The following JPH1 variants were observed in gnomAD, a reference collection of about 807,000 sequenced individuals.
JPH1 encodes junctophilin 1, also known as junctophilin-1.
In JPH1, 12 loss-of-function variants were observed where a neutral mutation model predicts 53.6. The ratio of observed to expected loss-of-function variants is 0.22; its 90% CI spans 0.14 to 0.36. The LOEUF (loss-of-function observed/expected upper bound fraction) is 0.36. Among genes scored for constraint, JPH1 ranks in the 10% least tolerant of loss-of-function variants. The pLI, the probability that JPH1 is intolerant of heterozygous loss-of-function variation, is 1.00. For synonymous variants in JPH1, 375 were observed against 363.8 expected, an observed-to-expected ratio of 1.03 and a Z score of -0.35; for missense variants, 808 against 905.5, an observed-to-expected ratio of 0.89 and a Z score of 1.38.
chr8:74,319,055 T>G (rs1808240597), intron 1 of JPH1, among the ~76,000 whole-genome samples: 1 of 151,300 alleles, frequency 6.6e-6, no homozygotes, highest in Admixed American at 6.6e-5. Context: ...AAGTTTTAAG[T>G]TTTTTTTTAA....
At chr8:74,300,737 T>C (rs1807656920) in intron 2 of JPH1, among the ~76,000 whole-genome samples, 1 of 152,178 alleles carries the variant, frequency 6.6e-6, no homozygotes, top group Admixed American at 6.5e-5. Flanking sequence ...ATTGGTATTG[T>C]TATGTGAAGT....
chr8:74,316,995 G>C (rs191150180), intron 1 of JPH1, among the ~76,000 whole-genome samples: 1 of 152,258 alleles, frequency 6.6e-6, no homozygotes, highest in Admixed American at 6.5e-5. Flanking sequence ...ATAATGATTA[G>C]TCTGTCTTGA....
At chr8:74,245,611 C>T (rs1332471108) in intron 3 of JPH1, among the ~76,000 whole-genome samples, 1 of 152,158 alleles carries the variant, frequency 6.6e-6, no homozygotes, top group Non-Finnish European at 1.5e-5. Flanking sequence ...TTTTAATGAT[C>T]TGTCATCAAA....
chr8:74,298,783 G>A (rs1474778054), intron 2 of JPH1, among the ~76,000 whole-genome samples: 1 of 152,166 alleles, frequency 6.6e-6, no homozygotes, highest in Non-Finnish European at 1.5e-5. Context: ...TCAGAAATAT[G>A]AGTAGTCATA....
rs372918997 is a variant in JPH1 at position 74,245,074 on chromosome 8, G to A, written c.1360C>T (p.His454Tyr). The A allele has an allele frequency of 1.9e-6, 3 of 1,613,658 alleles. No individual in the cohort carries two copies. Among genetic ancestry groups the A allele is most frequent in the African/African-American group, 1.3e-5 (1 of 74,722 alleles). Reference sequence around the variant, plus strand: ...GGTGTCGTGCCTTTGCGATAAAAATGAGGAGACTCCTTTGGTGTAGGTGGC... The same window carrying A: ...GGTGTCGTGCCTTTGCGATAAAAATAAGGAGACTCCTTTGGTGTAGGTGGC... ...EKPPTPKESP[H>Y]FYRKGTTPPR... is the part of the protein sequence containing the mutation. The change falls in exon 4 of 6, where the codon CAT (histidine) becomes TAT (tyrosine). Residue 454 changes from histidine to tyrosine, a missense_variant. Coordinates refer to ENST00000342232, the MANE Select transcript of JPH1 (RefSeq NM_020647.4).
intron 2 of JPH1, among the ~76,000 whole-genome samples, chr8:74,264,225 T>C (rs1185210879): frequency 1.3e-5 from 2 of 152,240 alleles, no homozygotes; most frequent in Non-Finnish European, 2.9e-5. Context: ...AGCTCCATTC[T>C]CAGTAAACTT....
chr8:74,306,629 C>T (rs1037187313), intron 2 of JPH1, among the ~76,000 whole-genome samples: 2 of 150,174 alleles, frequency 1.3e-5, no homozygotes, highest in South Asian at 2.1e-4. Context: ...TTGGAGACCT[C>T]GCTCTGTCGC....
chr8:74,318,677 G>A (rs878908659), intron 1 of JPH1, among the ~76,000 whole-genome samples: 10 of 152,096 alleles, frequency 6.6e-5, no homozygotes, highest in African/African-American at 2.2e-4. Flanking sequence ...AAAAAAACTC[G>A]GAATCAGATT....
At chr8:74,292,025 G>T (rs867391300) in intron 2 of JPH1, among the ~76,000 whole-genome samples, 1 of 152,146 alleles carries the variant, frequency 6.6e-6, no homozygotes, top group Non-Finnish European at 1.5e-5. Flanking sequence ...AGGGCCTGTC[G>T]TGGGGTGGGG....
At chr8:74,241,607 TG>T (rs1399176725) in intron 4 of JPH1, among the ~76,000 whole-genome samples, 9 of 152,362 alleles carry the variant, frequency 5.9e-5, no homozygotes, top group South Asian at 2.1e-4. Context: ...AGGAATTTTC[TG>T]CTAGAAGAGT....
At position 74,315,420 on chromosome 8, in the gene JPH1, C is replaced by T. The variant is rs758212110; in HGVS notation, c.580G>A (p.Val194Met). 2 of 1,612,034 alleles carry T rather than the reference C, an allele frequency of 1.2e-6. No individual in the cohort carries two copies. The highest frequency in any genetic ancestry group is 3.3e-5 in the Admixed American group (2 of 59,916). Reference protein sequence around the residue: ...DSPAGTRGGFVLNFHADAELA... With the variant: ...DSPAGTRGGFMLNFHADAELA... ...TCAGCGTCTGCGTGGAAGTTGAGCA[C>T]GAAACCGCCGCGGGTGCCGGCCGGG... Residue 194 changes from valine to methionine, a missense_variant, in exon 2 of 6, where the codon GTG (valine) becomes ATG (methionine). Transcript: ENST00000342232. The surrounding 1 kb of genome is among the most constrained non-coding windows in gnomAD (Gnocchi z 6.3).
Position 74,321,128 on chromosome 8 carries a change from A to C in JPH1, c.160T>G (p.Trp54Gly). The change falls in exon 1 of 6, where the codon TGG (tryptophan) becomes GGG (glycine). Residue 54 changes from tryptophan (W) to glycine (G), a missense_variant. Transcript: ENST00000342232. This position sits in a 1 kb window ranked among gnomAD's most constrained non-coding sequence, Gnocchi z 4.3. ...CCCTGGTAGGTGTTGCCGCTGGGCC[A>C]GGTGTAGCCTCCGACCACCTCGAAG... The part of the protein sequence containing the change: ...HGFEVVGGYT[W>G]PSGNTYQGYW... 6.2e-7 allele frequency: 1 copy of C among 1,613,468 alleles called. No homozygotes were observed. The highest frequency in any genetic ancestry group is 2.2e-5 in the East Asian group (1 of 44,804).
intron 2 of JPH1, among the ~76,000 whole-genome samples, chr8:74,300,940 C>T (rs916791080): frequency 3.9e-5 from 6 of 152,128 alleles, no homozygotes; most frequent in Non-Finnish European, 7.4e-5. Context: ...GGCCCCCCGC[C>T]CCATTTCCCC....
chr8:74,319,907 C>T (rs928620896), intron 1 of JPH1, among the ~76,000 whole-genome samples: 2 of 152,212 alleles, frequency 1.3e-5, no homozygotes, highest in African/African-American at 4.8e-5. Context: ...GTTTTGACAC[C>T]TGTTTCAATA....
At chr8:74,290,459 C>A (rs144883711) in intron 2 of JPH1, among the ~76,000 whole-genome samples, 2,677 of 152,202 alleles carry the variant, frequency 0.018, 71 homozygotes, top group African/African-American at 0.057. Context: ...AACTACAAAC[C>A]ACTGCTCAAC....
chr8:74,303,081 G>T (rs1807731473), intron 2 of JPH1, among the ~76,000 whole-genome samples: 1 of 152,044 alleles, frequency 6.6e-6, no homozygotes, highest in Admixed American at 6.6e-5. Flanking sequence ...GAATTGCATT[G>T]TCATAAGGCA....
chr8:74,289,802 G>A (rs1807271307), intron 2 of JPH1, among the ~76,000 whole-genome samples: 1 of 152,178 alleles, frequency 6.6e-6, no homozygotes, highest in African/African-American at 2.4e-5. Flanking sequence ...CTTGTTGAAG[G>A]CCTTTTCTGC....
chr8:74,256,817 C>G (rs1228507566), intron 3 of JPH1, among the ~76,000 whole-genome samples: 2 of 152,174 alleles, frequency 1.3e-5, no homozygotes, highest in Non-Finnish European at 2.9e-5. Context: ...TGGAAAATAT[C>G]TGAAAATACT....
At position 74,320,759 on chromosome 8, in the gene JPH1, G is replaced by C. The variant is rs1312577321; in HGVS notation, c.379+150C>G. The C allele has an allele frequency of 1.1e-6, 1 of 940,980 alleles. No individual in the cohort carries two copies. Among genetic ancestry groups the C allele is most frequent in the Non-Finnish European group, 1.5e-6 (1 of 679,702 alleles). 58.3% of individuals were successfully genotyped at this position (940,980 alleles called of 1,614,324 possible). On this transcript the variant is annotated intron_variant, in intron 1 of 5. Transcript: ENST00000342232. This position sits in a 1 kb window ranked among gnomAD's most constrained non-coding sequence, Gnocchi z 4.4. ...TCCCAGCGCCCTCTCTGGGAAAGGC[G>C]GGCGCGGGCGCGGGGGTGGGAGGCG...
Sources: allele counts gnomAD v4.1 joint callset (sites outside exome capture counted in the v4.1 genomes callset), GRCh38; gene constraint gnomAD v4.1.1; non-coding constraint Gnocchi (gnomAD v3.1); transcripts MANE v1.5; gene names NCBI Gene and HGNC (gene_info 2026-07-23, HGNC 2026-07-21).